CNTN4: variants seen among roughly 807,000 people sequenced by gnomAD.
The protein encoded by CNTN4 is contactin-4.
Under a neutral mutation model 122.5 loss-of-function variants are expected in CNTN4, and 77 were observed. The observed-to-expected ratio is 0.63, with a 90% CI of 0.52 to 0.76. The LOEUF is 0.76. Ranked by LOEUF, CNTN4 falls within the 30% of genes least tolerant of loss-of-function variation. The probability of loss-of-function intolerance (pLI) is 0.00; values close to 1 mark genes in which losing one functional copy is unlikely to be tolerated. For synonymous variants in CNTN4, 512 were observed against 447.0 expected (o/e 1.15, Z -1.83); for missense variants, 1,256 against 1,259.1 (o/e 1.00, Z 0.04).
At chr3:2,960,494 T>C (rs937851530) in intron 13 of CNTN4, among the ~76,000 whole-genome samples, 3 of 152,196 alleles carry the variant, frequency 2.0e-5, no homozygotes, top group African/African-American at 7.2e-5. Flanking sequence ...TTATATATAA[T>C]AGGCCTGTTA....
chr3:2,769,278 A>G (rs62234587), intron 6 of CNTN4, among the ~76,000 whole-genome samples: 6,217 of 152,114 alleles, frequency 0.041, 175 homozygotes, highest in Non-Finnish European at 0.063. Context: ...CCTGGCCAAT[A>G]TGGTGAAACC....
chr3:2,988,010 T>C (rs1204387386), intron 13 of CNTN4, among the ~76,000 whole-genome samples: 6 of 152,238 alleles, frequency 3.9e-5, no homozygotes. Flanking sequence ...ATAAGACTAA[T>C]GGTGATCTAC....
chr3:2,299,256 A>C (rs928825834), intron 2 of CNTN4, among the ~76,000 whole-genome samples: 4 of 152,188 alleles, frequency 2.6e-5, no homozygotes, highest in Non-Finnish European at 5.9e-5. Context: ...ATTATTTGTG[A>C]AGAGTTGCAA....
intron 2 of CNTN4, among the ~76,000 whole-genome samples, chr3:2,211,560 T>C (rs936836590): frequency 2.0e-5 from 3 of 152,202 alleles, no homozygotes; most frequent in African/African-American, 4.8e-5. Context: ...TTAAAAAATT[T>C]TCATATATAA....
rs148328996 is a variant in CNTN4 at position 2,596,285 on chromosome 3, T to A, written c.55+24727T>A. 2.9e-4 allele frequency among the ~76,000 whole-genome samples: 44 copies of A among 152,308 alleles called. No homozygotes were observed. In the East Asian group the frequency reaches 8.5e-3, roughly 29 times the overall value. Reference sequence around the variant, plus strand: ...TAACCTAATTCCTACAAACATTGATTTACACACAAATTAATTTACTAAACA... The same window carrying A: ...TAACCTAATTCCTACAAACATTGATATACACACAAATTAATTTACTAAACA... On this transcript the variant is annotated intron_variant, in intron 4 of 24. Transcript: ENST00000418658.
intron 2 of CNTN4, among the ~76,000 whole-genome samples, chr3:2,300,131 G>A (rs1397671552): frequency 2.6e-5 from 4 of 152,258 alleles, no homozygotes; most frequent in African/African-American, 7.2e-5. Context: ...ATTATTTATA[G>A]CCCCTGCAAA....
At chr3:2,659,384 C>T (rs1306837849) in intron 4 of CNTN4, among the ~76,000 whole-genome samples, 3 of 149,712 alleles carry the variant, frequency 2.0e-5, no homozygotes, top group Non-Finnish European at 4.4e-5. Context: ...ATCACTTGAA[C>T]CCAGGAGGTG....
intron 4 of CNTN4, among the ~76,000 whole-genome samples, chr3:2,664,166 G>A (rs1411288057): frequency 4.6e-5 from 7 of 152,180 alleles, no homozygotes; most frequent in Non-Finnish European, 1.0e-4. Flanking sequence ...ATTGCATGGT[G>A]TATGAACTAT....
intron 7 of CNTN4, among the ~76,000 whole-genome samples, chr3:2,864,740 C>CAAAA (rs56398439): frequency 0.037 from 1,997 of 54,708 alleles, 280 homozygotes; most frequent in African/African-American, 0.14. Flanking sequence ...AACTCCATCT[C>CAAAA]AAAAAAAAAA....
chr3:2,607,238 C>T (rs1467130730), intron 4 of CNTN4, among the ~76,000 whole-genome samples: 1 of 152,092 alleles, frequency 6.6e-6, no homozygotes, highest in African/African-American at 2.4e-5. Flanking sequence ...TTTGAACATT[C>T]CACTGAAGTT....
chr3:2,340,998 A>G (rs2044190002), intron 3 of CNTN4, among the ~76,000 whole-genome samples: 1 of 151,956 alleles, frequency 6.6e-6, no homozygotes, highest in Non-Finnish European at 1.5e-5. Flanking sequence ...CTGCTCCACA[A>G]GGTCCCTCTC....
intron 3 of CNTN4, among the ~76,000 whole-genome samples, chr3:2,429,261 T>C (rs1238572778): frequency 6.6e-6 from 1 of 152,208 alleles, no homozygotes; most frequent in African/African-American, 2.4e-5. Context: ...TGGGATTTTG[T>C]TGTGGATGTC....
chr3:2,473,618 C>A (rs538946674), intron 3 of CNTN4, among the ~76,000 whole-genome samples: 81 of 152,270 alleles, frequency 5.3e-4, no homozygotes, highest in African/African-American at 1.9e-3. Context: ...TATCAACATG[C>A]CTGTCATTGC....
At chr3:2,433,904 C>T (rs901044866) in intron 3 of CNTN4, among the ~76,000 whole-genome samples, 9 of 151,912 alleles carry the variant, frequency 5.9e-5, no homozygotes, top group South Asian at 2.1e-4. Flanking sequence ...ATAAGCCAGG[C>T]GCAGAAGGAC....
chr3:2,683,718 C>G (rs1474022), intron 4 of CNTN4, among the ~76,000 whole-genome samples: 2 of 151,854 alleles, frequency 1.3e-5, no homozygotes, highest in African/African-American at 4.8e-5. Flanking sequence ...GACATTTGAG[C>G]AAAGGTAAAC....
At chr3:2,920,850 G>A (rs2094422038) in intron 12 of CNTN4, among the ~76,000 whole-genome samples, 1 of 152,258 alleles carries the variant, frequency 6.6e-6, no homozygotes, top group Admixed American at 6.5e-5. Flanking sequence ...AAACCCAAGA[G>A]CTGCCCGTGG....
chr3:2,979,110 C>G (rs1024351386), intron 13 of CNTN4, among the ~76,000 whole-genome samples: 1 of 152,178 alleles, frequency 6.6e-6, no homozygotes, highest in Non-Finnish European at 1.5e-5. Flanking sequence ...CTTGTGACTG[C>G]CGGCACCTTT....
intron 3 of CNTN4, among the ~76,000 whole-genome samples, chr3:2,375,539 C>G (rs556449793): frequency 4.6e-5 from 7 of 152,306 alleles, no homozygotes; most frequent in Admixed American, 1.3e-4. Flanking sequence ...AGATCCTACT[C>G]TGCTTTCTCT....
intron 3 of CNTN4, among the ~76,000 whole-genome samples, chr3:2,559,083 C>G (rs1161833324): frequency 6.6e-6 from 1 of 152,128 alleles, no homozygotes; most frequent in Non-Finnish European, 1.5e-5. Context: ...CAGGCTATTA[C>G]ACTAACTAGA....
Sources: allele counts gnomAD v4.1 joint callset (sites outside exome capture counted in the v4.1 genomes callset), GRCh38; gene constraint gnomAD v4.1.1; transcripts MANE v1.5; gene names NCBI Gene and HGNC (gene_info 2026-07-23, HGNC 2026-07-21).